Variants in FER1L6 observed in about 807,000 individuals in gnomAD.
FER1L6 encodes the protein fer-1 like family member 6.
Under a neutral mutation model 219.2 loss-of-function variants are expected in FER1L6, and 177 were observed. The ratio of observed to expected loss-of-function variants is 0.81; its 90% CI spans 0.71 to 0.91. FER1L6 has a LOEUF of 0.91. FER1L6 is among the 40% of genes least tolerant of loss of function. FER1L6 has a pLI of 0.00. For missense variants in FER1L6, 2,153 were observed against 2,259.9 expected (o/e 0.95, Z 0.96); for synonymous variants, 768 against 824.3 (o/e 0.93, Z 1.17).
chr8:124,012,078 C>T (rs1169569333), intron 14 of FER1L6, among the ~76,000 whole-genome samples: 6 of 152,178 alleles, frequency 3.9e-5, no homozygotes, highest in Admixed American at 3.9e-4. Context: ...AAATTCTTCT[C>T]TCCTACTCCC....
chr8:124,041,424 C>T (rs1483564769), intron 20 of FER1L6, among the ~76,000 whole-genome samples: 1 of 152,252 alleles, frequency 6.6e-6, no homozygotes, highest in African/African-American at 2.4e-5. Context: ...TGATTTATGA[C>T]TCGCACACTG....
intron 1 of FER1L6, among the ~76,000 whole-genome samples, chr8:123,919,584 G>T (rs867709009): frequency 3.9e-5 from 6 of 152,202 alleles, no homozygotes; most frequent in Admixed American, 2.6e-4. Context: ...TAAGCCATGT[G>T]CTTGGGCAGC....
In FER1L6 at chr8:123,853,082, G is replaced by A. The variant is rs879605070; in HGVS notation, c.-8+897G>A. ...TGGTCTCAAACTCCTGGGCTCAAGC[G>A]ATCCTCCTGCCTCAGCCTTCCAAAG... On this transcript the variant is annotated intron_variant, in intron 1 of 40. Transcript: ENST00000522917. The surrounding 1 kb of genome is among the most constrained non-coding windows in gnomAD (Gnocchi z 6.6). Among the ~76,000 whole-genome samples, 9 of 152,290 alleles carry A rather than the reference G, an allele frequency of 5.9e-5. No individual in the cohort carries two copies. The highest frequency in any genetic ancestry group is 9.6e-5 in the African/African-American group (4 of 41,562).
Position 123,853,394 on chromosome 8 carries a change from A to G in FER1L6, c.-8+1209A>G, listed in dbSNP as rs1470716203. On this transcript the variant is annotated intron_variant, in intron 1 of 40. Transcript: ENST00000522917. The surrounding 1 kb of genome is among the most constrained non-coding windows in gnomAD (Gnocchi z 6.6). ...GGTCTCAAACTTCTGACCTCAAACG[A>G]TCCACCCACCTCAGCCTCCCAAAGT... 6.6e-6 allele frequency among the ~76,000 whole-genome samples: 1 copy of G among 151,998 alleles called. No individual in the cohort carries two copies. Among genetic ancestry groups the G allele is most frequent in the African/African-American group, 2.4e-5 (1 of 41,384 alleles).
chr8:123,982,524 C>T (rs188110035), intron 11 of FER1L6, among the ~76,000 whole-genome samples: 245 of 152,184 alleles, frequency 1.6e-3, no homozygotes, highest in African/African-American at 5.7e-3. Flanking sequence ...ATTTCCCCTC[C>T]CTCCTCTCTT....
chr8:123,966,824 G>A (rs990383765), intron 5 of FER1L6, among the ~76,000 whole-genome samples: 3 of 152,178 alleles, frequency 2.0e-5, no homozygotes, highest in African/African-American at 7.2e-5. Flanking sequence ...GCTCACGCCT[G>A]TAATCCCAGC....
At chr8:123,947,686 AC>A (rs1814563643) in intron 1 of FER1L6, among the ~76,000 whole-genome samples, 1 of 152,166 alleles carries the variant, frequency 6.6e-6, no homozygotes, top group Non-Finnish European at 1.5e-5. Context: ...TGCCTTCAAA[AC>A]CTCAGCATCT....
chr8:124,043,832 C>A (rs1014021459), intron 20 of FER1L6, among the ~76,000 whole-genome samples: 9 of 152,288 alleles, frequency 5.9e-5, no homozygotes, highest in African/African-American at 2.2e-4. Context: ...TTTGGGTGAA[C>A]CTTTTAGTAC....
Position 123,935,053 on chromosome 8 carries a change from G to C in FER1L6, c.-7-20939G>C, listed in dbSNP as rs1373614488. 2.0e-5 allele frequency among the ~76,000 whole-genome samples: 3 copies of C among 152,248 alleles called. No homozygotes were observed. The East Asian group carries it at 5.8e-4, about 29-fold the overall frequency. On this transcript the variant is annotated intron_variant, in intron 1 of 40. Transcript: ENST00000522917. ...GCGCAGTCTCAGGTAGTTCTTTATA[G>C]AAAGGACTAATACAGCCTTCATTGA... is the stretch of plus-strand genomic sequence containing the variant.
chr8:124,023,996 A>C (rs1818591083), intron 18 of FER1L6, among the ~76,000 whole-genome samples: 1 of 151,062 alleles, frequency 6.6e-6, no homozygotes, highest in South Asian at 2.1e-4. Context: ...TCCCGGATTC[A>C]AGTGATTCTC....
chr8:124,044,997 A>G (rs376615643), intron 20 of FER1L6, among the ~76,000 whole-genome samples: 1 of 152,100 alleles, frequency 6.6e-6, no homozygotes, highest in Non-Finnish European at 1.5e-5. Flanking sequence ...ACAGTCTACT[A>G]TCAGTGTAAG....
rs764513561 is a variant in FER1L6 at position 123,853,631 on chromosome 8, C to T, written c.-8+1446C>T. Among the ~76,000 whole-genome samples, 49 of 152,084 alleles carry T rather than the reference C, an allele frequency of 3.2e-4. No individual in the cohort carries two copies. The highest frequency in any genetic ancestry group is 1.1e-3 in the African/African-American group (46 of 41,412). On this transcript the variant is annotated intron_variant, in intron 1 of 40. Coordinates refer to ENST00000522917, the MANE Select transcript of FER1L6 (RefSeq NM_001039112.2). This position sits in a 1 kb window ranked among gnomAD's most constrained non-coding sequence, Gnocchi z 6.6. ...ATGAGTAGAGAAAAAGGGGTAGGTA[C>T]GCCTCACCACGGGCAAGCGTGGAGT...
chr8:123,962,896 CGG>C, intron 2 of FER1L6, among the ~76,000 whole-genome samples: 1 of 151,932 alleles, frequency 6.6e-6, no homozygotes, highest in Non-Finnish European at 1.5e-5. Flanking sequence ...CCAAAGTGCT[CGG>C]ATTACAGGTG....
chr8:123,904,479 T>G (rs1812917600), intron 1 of FER1L6, among the ~76,000 whole-genome samples: 1 of 152,140 alleles, frequency 6.6e-6, no homozygotes, highest in South Asian at 2.1e-4. Context: ...AGAGCCATAT[T>G]CAGCAGAGAT....
intron 15 of FER1L6, chr8:124,016,073 G>T (rs1818189111): frequency 6.5e-6 from 1 of 152,690 alleles, no homozygotes; most frequent in Non-Finnish European, 1.5e-5. Context: ...AGAAACATGT[G>T]CTATGGTCAT....
chr8:124,071,660 G>A (rs747964464), intron 31 of FER1L6, 29 bp downstream of exon 31: 2 of 1,601,722 alleles, frequency 1.2e-6, no homozygotes, highest in South Asian at 1.1e-5. Flanking sequence ...CTCTGAGGGG[G>A]TGTATTTATC....
intron 33 of FER1L6, among the ~76,000 whole-genome samples, chr8:124,088,591 G>A (rs1394165083): frequency 6.6e-6 from 1 of 151,896 alleles, no homozygotes; most frequent in East Asian, 2.0e-4. Flanking sequence ...CACTACCATA[G>A]CTGAAAATGT....
chr8:123,993,408 C>G (rs1816960124), intron 12 of FER1L6, among the ~76,000 whole-genome samples: 1 of 147,458 alleles, frequency 6.8e-6, no homozygotes, highest in African/African-American at 2.5e-5. Context: ...CGCCACTGCA[C>G]TCCAGCCTGG....
rs182443208 is a variant in FER1L6 at position 123,962,311 on chromosome 8, C to A, written c.77-967C>A. On this transcript the variant is annotated intron_variant, in intron 2 of 40. Transcript: ENST00000522917. Reference sequence around the variant, plus strand: ...TTATTCAGTGTCTGTCAGTGGTGGGCAAGCAGTAAATCGTTTATTGCTTAT... The same window carrying A: ...TTATTCAGTGTCTGTCAGTGGTGGGAAAGCAGTAAATCGTTTATTGCTTAT... Among the ~76,000 whole-genome samples the A allele has an allele frequency of 1.2e-4, 19 of 152,224 alleles. 1 individual carries two copies. In the East Asian group the frequency reaches 3.7e-3, roughly 29 times the overall value.
Sources: gnomAD v4.1 joint callset for allele counts (sites outside exome capture counted in the v4.1 genomes callset) on GRCh38, gnomAD v4.1.1 for gene constraint, Gnocchi (gnomAD v3.1) non-coding constraint, MANE v1.5 for transcripts, NCBI Gene and HGNC (gene_info 2026-07-23, HGNC 2026-07-21) for gene names.